The following PPM1F variants were observed in gnomAD, a reference collection of about 807,000 sequenced individuals.
PPM1F encodes protein phosphatase, Mg2+/Mn2+ dependent 1F.
PPM1F carries 17 observed loss-of-function variants against 35.5 expected under a neutral mutation model. That is an observed-to-expected ratio of 0.48 (90% CI 0.33 to 0.72). The LOEUF is 0.72. Ranked by LOEUF, PPM1F falls within the 30% of genes least tolerant of loss-of-function variation. The pLI, the probability that PPM1F is intolerant of heterozygous loss-of-function variation, is 0.02. For missense variants in PPM1F, 521 were observed against 613.0 expected (o/e 0.85, Z 1.59); for synonymous variants, 241 against 255.5 (o/e 0.94, Z 0.54).
chr22:21,948,338 A>G (rs549688366), intron 1 of PPM1F: 1 of 144,104 alleles, frequency 6.9e-6, no homozygotes, highest in East Asian at 2.2e-4. Flanking sequence ...AAAAAAGAAA[A>G]AAAAAGAACA....
Position 21,922,636 on chromosome 22 carries a change from C to A in PPM1F, c.*456G>T, listed in dbSNP as rs2070459887. 1 of 158,544 alleles carries A rather than the reference C, an allele frequency of 6.3e-6. No homozygotes were observed. Among genetic ancestry groups the A allele is most frequent in the African/African-American group, 2.4e-5 (1 of 41,712 alleles). 9.8% of individuals were successfully genotyped at this position (158,544 alleles called of 1,614,324 possible). On this transcript the variant is annotated 3_prime_UTR_variant, in exon 8 of 8. Coordinates refer to ENST00000263212, the MANE Select transcript of PPM1F (RefSeq NM_014634.4). ...TAAATATGAACCCACCTGGCCCTGG[C>A]CGCAGAGAGGAGCAATGGGAAACTG...
rs577103268 is a variant in PPM1F, at chr22:21,934,067, C to T, written c.515G>A (p.Arg172Gln). The change falls in exon 4 of 8, where the codon CGG (arginine) becomes CAG (glutamine). Residue 172 changes from arginine to glutamine, a missense_variant. This residue lies in a region of PPM1F where 311 missense variants were observed against 351.5 expected (regional missense o/e 0.88). Transcript: ENST00000263212. ...GTTGAAGGAAGGGAGGGACACGTGC[C>T]GGTCCTCCATCTTGCGGCGAGTGTT... ...IRNTRRKMED[R>Q]HVSLPSFNQL... 53 of 1,564,802 alleles carry T rather than the reference C, an allele frequency of 3.4e-5. 1 individual carries two copies. Among genetic ancestry groups the T allele is most frequent in the South Asian group, 3.1e-4 (26 of 85,200 alleles).
At chr22:21,940,576 A>C (rs1228998946) in intron 2 of PPM1F, 3 of 152,280 alleles carry the variant, frequency 2.0e-5, no homozygotes, top group Non-Finnish European at 2.9e-5. Flanking sequence ...TGAACCTACA[A>C]GCCAGGGAAT....
At chr22:21,935,785 T>C (rs774160912) in intron 3 of PPM1F, 10 of 152,166 alleles carry the variant, frequency 6.6e-5, no homozygotes, top group Middle Eastern at 3.2e-3. Flanking sequence ...TCACTTGAGG[T>C]CCGGAGTTCG....
chr22:21,938,353 T>C (rs571505864), intron 3 of PPM1F: 1 of 1,184,458 alleles, frequency 8.4e-7, no homozygotes, highest in African/African-American at 1.6e-5. Flanking sequence ...CCGAGAACAA[T>C]GGCCGCCTGT....
rs1363849835 is a variant in PPM1F, at chr22:21,946,071, G to T, written c.-23C>A. ...CATGCCCAAAGCATCCCGGGGGCCT[G>T]CAGCTAGGCCAGGGCAAGAGGGTCT... On this transcript the variant is annotated 5_prime_UTR_variant, in exon 2 of 8. Transcript: ENST00000263212. 12 of 1,495,808 alleles carry T rather than the reference G, an allele frequency of 8.0e-6. No homozygotes were observed. Among genetic ancestry groups the T allele is most frequent in the Non-Finnish European group, 8.9e-6 (10 of 1,120,006 alleles). The allele number at this position is 1,495,808 out of a possible 1,614,324, so 92.7% of individuals were successfully genotyped here.
intron 7 of PPM1F, among the ~76,000 whole-genome samples, chr22:21,923,887 A>G (rs990700691): frequency 1.2e-4 from 17 of 143,784 alleles, no homozygotes; most frequent in African/African-American, 4.4e-4. Flanking sequence ...ATGGGGTTTC[A>G]CCATGTTGGC....
At chr22:21,932,258 A>G (rs1421393802) in intron 5 of PPM1F, among the ~76,000 whole-genome samples, 1 of 152,194 alleles carries the variant, frequency 6.6e-6, no homozygotes, top group African/African-American at 2.4e-5. Flanking sequence ...CAGCCTCAAT[A>G]AAGCAGTTAC....
intron 6 of PPM1F, among the ~76,000 whole-genome samples, chr22:21,928,543 C>T (rs1341381372): frequency 2.0e-5 from 3 of 152,158 alleles, no homozygotes; most frequent in Admixed American, 1.3e-4. Context: ...GGTGGGTGGT[C>T]TTCTCCCCTG....
chr22:21,951,299 A>G (rs2070834327), intron 1 of PPM1F: 1 of 150,386 alleles, frequency 6.6e-6, no homozygotes, highest in Admixed American at 6.6e-5. Context: ...TGCAGTGGGC[A>G]GCAGCGCCAG....
chr22:21,928,039 G>T (rs968475129), intron 6 of PPM1F, among the ~76,000 whole-genome samples: 1 of 129,904 alleles, frequency 7.7e-6, no homozygotes, highest in African/African-American at 2.9e-5. Context: ...CTGCAGCCTC[G>T]ACCTCTAGGG....
intron 2 of PPM1F, chr22:21,943,116 CAGA>C (rs1181632539): frequency 6.6e-6 from 1 of 152,224 alleles, no homozygotes; most frequent in African/African-American, 2.4e-5. Context: ...GGATGGCCTC[CAGA>C]AGGATGCCTT....
intron 6 of PPM1F, among the ~76,000 whole-genome samples, chr22:21,927,072 T>G: frequency 6.6e-6 from 1 of 152,164 alleles, no homozygotes; most frequent in East Asian, 1.9e-4. Flanking sequence ...GGTGCTCCTG[T>G]CCCAGCTGAG....
Position 21,939,660 on chromosome 22 carries a change from G to T in PPM1F, c.227C>A (p.Ala76Asp). ...LGSRKAPPPL[A>D]AALAHEAVSQ... ...AACTGCTTCGTGGGCCAGAGCAGCA[G>T]CAAGTGGTGGCGGGGCCTTCCTAGG... The change falls in exon 3 of 8, where the codon GCT (alanine) becomes GAT (aspartate). Residue 76 changes from alanine (A) to aspartate (D), a missense_variant. Ala to Asp is a moderately radical substitution (Grantham distance 126, BLOSUM62 -2). Transcript: ENST00000263212. The surrounding 1 kb of genome is among the most constrained non-coding windows in gnomAD (Gnocchi z 5.1). 2 of 1,553,606 alleles carry T rather than the reference G, an allele frequency of 1.3e-6. No homozygotes were observed.
At position 21,923,030 on chromosome 22, in the gene PPM1F, G is replaced by A; in HGVS notation, c.*62C>T. The stretch of plus-strand genomic sequence containing the variant: ...CTGCCTGCCACCTGTTGGGTCCTGA[G>A]GCTTCTGAGGGAGAGAAGGACAAGG... On this transcript the variant is annotated 3_prime_UTR_variant, in exon 8 of 8. Coordinates refer to ENST00000263212, the MANE Select transcript of PPM1F (RefSeq NM_014634.4). 1 of 1,535,068 alleles carries A rather than the reference G, an allele frequency of 6.5e-7. No individual in the cohort carries two copies.
At chr22:21,930,641 C>A (rs1472651194) in intron 6 of PPM1F, among the ~76,000 whole-genome samples, 3 of 152,134 alleles carry the variant, frequency 2.0e-5, no homozygotes, top group African/African-American at 7.2e-5. Context: ...TGAATGCTCG[C>A]AATCCAACCT....
At chr22:21,938,612 AAGGAAATGGCCGAC>A (rs2070690502) in intron 3 of PPM1F, 1 of 1,029,568 alleles carries the variant, frequency 9.7e-7, no homozygotes, top group Non-Finnish European at 1.2e-6. Context: ...AAGGAAGGGA[AAGGAAATGGCCGAC>A]AGGAAATGGC....
rs931926426 is a variant in PPM1F at position 21,952,838 on chromosome 22, C to G, written c.-107G>C. 4 of 151,934 alleles carry G rather than the reference C, an allele frequency of 2.6e-5. No homozygotes were observed. The highest frequency in any genetic ancestry group is 7.3e-5 in the African/African-American group (3 of 41,370). The allele number at this position is 151,934 out of a possible 1,614,324, so 9.4% of individuals were successfully genotyped here. On this transcript the variant is annotated 5_prime_UTR_variant, in exon 1 of 8. Transcript: ENST00000263212. ...GCTGTCTCCTCGCGGCTCCGTGTCC[C>G]GCAAGCTGCTGCCGGCCGGCCCCGC...
chr22:21,946,612 C>G (rs755922443), intron 1 of PPM1F: 1 of 152,796 alleles, frequency 6.5e-6, no homozygotes, highest in Non-Finnish European at 1.5e-5. Flanking sequence ...TGCGGGAGGC[C>G]GGCCCAGGGC....
Sources: allele counts gnomAD v4.1 joint callset (sites outside exome capture counted in the v4.1 genomes callset), GRCh38; gene constraint gnomAD v4.1.1; regional missense constraint gnomAD v4.1.1; non-coding constraint Gnocchi (gnomAD v3.1); transcripts MANE v1.5; gene names NCBI Gene and HGNC (gene_info 2026-07-23, HGNC 2026-07-21).